ABHD8: variants seen among roughly 807,000 people sequenced by gnomAD.
ABHD8 encodes abhydrolase domain containing 8.
ABHD8 carries 10 observed loss-of-function variants against 29.3 expected under a neutral mutation model. That is an observed-to-expected ratio of 0.34 (90% CI 0.21 to 0.58). The LOEUF is 0.58. ABHD8 is among the 20% of genes least tolerant of loss of function. ABHD8 has a pLI of 0.85. For synonymous variants in ABHD8, 282 were observed against 274.6 expected (o/e 1.03, Z -0.27); for missense variants, 556 against 615.3 (o/e 0.90, Z 1.02).
intron 2 of ABHD8, among the ~76,000 whole-genome samples, chr19:17,300,373 T>G (rs1487874325): frequency 6.6e-6 from 1 of 151,978 alleles, no homozygotes; most frequent in Non-Finnish European, 1.5e-5. Flanking sequence ...CTAGCTAATG[T>G]TTGTACTTTT....
At position 17,301,258 on chromosome 19, in the gene ABHD8, T is replaced by C; in HGVS notation, c.359A>G (p.Glu120Gly). The change falls in exon 2 of 5, where the codon GAG becomes GGG. Residue 120 changes from glutamate (E) to glycine (G), a missense_variant. Coordinates refer to ENST00000247706, the MANE Select transcript of ABHD8 (RefSeq NM_024527.5). ...ATCGCTGCCCGCCGGATCTGCCAGC[T>C]CCACCTCCAGGGCGGCCGGCGGCTC... ...SGEPPAALEV[E>G]LADPAGSDGR... 1 of 1,600,282 alleles carries C rather than the reference T, an allele frequency of 6.2e-7. No individual in the cohort carries two copies. The highest frequency in any genetic ancestry group is 1.1e-5 in the South Asian group (1 of 90,530).
At chr19:17,294,616 G>C (rs2074085455) in intron 3 of ABHD8, 59 bp downstream of exon 3, 1 of 1,607,058 alleles carries the variant, frequency 6.2e-7, no homozygotes, top group Admixed American at 1.7e-5. Flanking sequence ...CATCCAACTC[G>C]AGCAGATGCC....
intron 2 of ABHD8, among the ~76,000 whole-genome samples, chr19:17,296,882 A>G (rs1331599985): frequency 1.3e-5 from 2 of 151,726 alleles, no homozygotes; most frequent in Non-Finnish European, 2.9e-5. Flanking sequence ...TTTAGTAGAG[A>G]CGGGGTTTCA....
At chr19:17,295,748 A>G (rs115143850) in intron 2 of ABHD8, among the ~76,000 whole-genome samples, 1,870 of 152,200 alleles carry the variant, frequency 0.012, 32 homozygotes, top group African/African-American at 0.043. Flanking sequence ...GCTGTCGCCT[A>G]GGCTGGAGTG....
At chr19:17,295,532 G>A (rs1004087666) in intron 2 of ABHD8, among the ~76,000 whole-genome samples, 26 of 152,150 alleles carry the variant, frequency 1.7e-4, no homozygotes, top group African/African-American at 1.4e-4. Flanking sequence ...TCAGCCTCCC[G>A]AGTAGCTGGG....
chr19:17,293,785 C>G (rs2074081380), intron 4 of ABHD8, among the ~76,000 whole-genome samples: 1 of 151,756 alleles, frequency 6.6e-6, no homozygotes, highest in East Asian at 1.9e-4. Flanking sequence ...CCTTGAACTC[C>G]TGGGTTCAAG....
intron 2 of ABHD8, 41 bp downstream of exon 2, chr19:17,300,815 C>G: frequency 6.5e-7 from 1 of 1,546,670 alleles, no homozygotes. Context: ...CCCTGCTGAC[C>G]CCATCCCTCA....
In ABHD8 at chr19:17,300,858, G is replaced by A. The variant is rs761049394; in HGVS notation, c.759C>T (p.Tyr253=). 13 of 1,587,546 alleles carry A rather than the reference G, an allele frequency of 8.2e-6. No individual in the cohort carries two copies. In the Admixed American group the frequency reaches 1.2e-4, roughly 15 times the overall value. The change falls in exon 2 of 5, where the codon TAC becomes TAT. Residue 253 remains tyrosine, a splice_region_variant and synonymous_variant. Transcript: ENST00000247706. ...CCCACATGCCAGGGTTCACTTACCCGTAGGAATGGCCAATGAGCACATTTC... is the reference window on the plus strand; with the variant it reads ...CCCACATGCCAGGGTTCACTTACCCATAGGAATGGCCAATGAGCACATTTC... ...KKRNVLIGHS[Y]GVSFCTFLAH...
At chr19:17,300,134 G>A in intron 2 of ABHD8, among the ~76,000 whole-genome samples, 1 of 151,928 alleles carries the variant, frequency 6.6e-6, no homozygotes, top group Admixed American at 6.6e-5. Context: ...TCAATCTTCT[G>A]ACCTCGTGAT....
chr19:17,299,559 T>TTA (rs1293601036), intron 2 of ABHD8, among the ~76,000 whole-genome samples: 3 of 48,052 alleles, frequency 6.2e-5, no homozygotes, highest in Non-Finnish European at 1.2e-4. Context: ...AGACTCCATC[T>TTA]CAAAAAAAAA....
At chr19:17,302,778 G>C (rs1272192876) in intron 1 of ABHD8, 1 of 152,408 alleles carries the variant, frequency 6.6e-6, no homozygotes, top group South Asian at 2.1e-4. Flanking sequence ...CCCACTCCTT[G>C]GGCCACCCCC....
At chr19:17,297,286 G>GTT (rs374440171) in intron 2 of ABHD8, among the ~76,000 whole-genome samples, 2 of 151,696 alleles carry the variant, frequency 1.3e-5, no homozygotes, top group South Asian at 4.2e-4. Context: ...GTAGGTGGGT[G>GTT]TTTTTTTTGT....
rs1437396291 is a variant in ABHD8, at chr19:17,294,502, G to T, written c.935C>A (p.Ala312Asp). Residue 312 changes from alanine (A) to aspartate (D), a missense_variant and splice_region_variant, in exon 4 of 5, where the codon GCC becomes GAC. Physicochemically the swap from Ala to Asp is moderately radical, Grantham distance 126 (BLOSUM62 -2). Transcript: ENST00000247706. ...CTTGGCTCCTTGGCGGGCGAAGCCG[G>T]CCCTGGTGGTGGTGGAGGCACCGCT... ...SPCLAWSFLK[A>D]GFARQGAKEK... 1 of 1,613,802 alleles carries T rather than the reference G, an allele frequency of 6.2e-7. No homozygotes were observed. The highest frequency in any genetic ancestry group is 1.1e-5 in the South Asian group (1 of 91,080).
chr19:17,293,098 C>CT (rs71334701), intron 4 of ABHD8, among the ~76,000 whole-genome samples: 46,041 of 135,888 alleles, frequency 0.34, 8,538 homozygotes, highest in Non-Finnish European at 0.42. Context: ...TCTTTTCTTT[C>CT]TTTTTTTTTT....
At position 17,292,389 on chromosome 19, in the gene ABHD8, A is replaced by G; in HGVS notation, c.*272T>C. On this transcript the variant is annotated 3_prime_UTR_variant, in exon 5 of 5. Coordinates refer to ENST00000247706, the MANE Select transcript of ABHD8 (RefSeq NM_024527.5). ...TGGCGTTGGGGGGAAGGTGAGGGAG[A>G]GCTTCTGTACAAGGTCATCTTCCGT... 2.2e-6 allele frequency: 1 copy of G among 446,074 alleles called. No individual in the cohort carries two copies. Among genetic ancestry groups the G allele is most frequent in the South Asian group, 5.3e-5 (1 of 18,970 alleles). The allele number at this position is 446,074 out of a possible 1,614,324, so 27.6% of individuals were successfully genotyped here. A position where few individuals can be genotyped will look rare whatever the true frequency, so the allele number is the denominator to read the frequency against.
At chr19:17,299,027 C>T (rs1368222533) in intron 2 of ABHD8, among the ~76,000 whole-genome samples, 1 of 152,170 alleles carries the variant, frequency 6.6e-6, no homozygotes, top group Non-Finnish European at 1.5e-5. Flanking sequence ...CAGGCGTAAG[C>T]CACTGCACCT....
chr19:17,301,529 T>C lies in ABHD8; in HGVS notation c.88A>G (p.Ser30Gly). 6.2e-7 allele frequency: 1 copy of C among 1,610,652 alleles called. No homozygotes were observed. The highest frequency in any genetic ancestry group is 1.1e-5 in the South Asian group (1 of 90,950). ...ACCTCTACAAAGGTGTAGCCATCGC[T>C]GGACTCGACGCTCTCCAGTGGCCCC... The part of the protein sequence containing the change: ...AVGPLESVES[S>G]DGYTFVEVKP... Residue 30 changes from serine (S) to glycine (G), a missense_variant, in exon 2 of 5, where the codon AGC (serine) becomes GGC (glycine). By Grantham distance (56) the Ser-to-Gly change is moderately conservative (BLOSUM62 0). This residue lies in a region of ABHD8 where 286 missense variants were observed against 261.4 expected (regional missense o/e 1.09). Coordinates refer to ENST00000247706, the MANE Select transcript of ABHD8 (RefSeq NM_024527.5).
intron 2 of ABHD8, chr19:17,298,322 G>C (rs2074102402): frequency 6.6e-6 from 1 of 152,148 alleles, no homozygotes; most frequent in African/African-American, 2.4e-5. Context: ...GAGAGAATGA[G>C]GCCACTTGGT....
At position 17,294,354 on chromosome 19, in the gene ABHD8, G is replaced by A; in HGVS notation, c.1083C>T (p.Pro361=). ...DEVYHAELTV[P]VLLVHGMHDK... ...CGTGCATGCCGTGGACAAGCAGGAC[G>A]GGCACGGTGAGCTCGGCGTGGTAGA... is the stretch of plus-strand genomic sequence containing the variant. The change falls in exon 4 of 5, where the codon CCC becomes CCT. Residue 361 remains proline (P), a synonymous_variant. Coordinates refer to ENST00000247706, the MANE Select transcript of ABHD8 (RefSeq NM_024527.5). The A allele has an allele frequency of 3.1e-6, 5 of 1,613,464 alleles. 1 individual carries two copies. In the South Asian group the frequency reaches 4.4e-5, roughly 14 times the overall value.
Sources: allele counts gnomAD v4.1 joint callset (sites outside exome capture counted in the v4.1 genomes callset), GRCh38; gene constraint gnomAD v4.1.1; regional missense constraint gnomAD v4.1.1; transcripts MANE v1.5; gene names NCBI Gene and HGNC (gene_info 2026-07-23, HGNC 2026-07-21).